Variants in ADAMTS2 observed in about 807,000 individuals in gnomAD.
ADAMTS2 encodes ADAM metallopeptidase with thrombospondin type 1 motif 2.
ADAMTS2 carries 50 observed loss-of-function variants against 123.0 expected under a neutral mutation model. That is an observed-to-expected ratio of 0.41 (90% confidence interval 0.32 to 0.51). ADAMTS2 has a LOEUF of 0.51. Ranked by LOEUF, ADAMTS2 falls within the 20% of genes least tolerant of loss-of-function variation. The probability of loss-of-function intolerance (pLI) is 0.35; values close to 1 mark genes in which losing one functional copy is unlikely to be tolerated. For missense variants in ADAMTS2, 1,494 were observed against 1,705.2 expected, an observed-to-expected ratio of 0.88 and a Z score of 2.18; for synonymous variants, 678 against 695.4, an observed-to-expected ratio of 0.98 and a Z score of 0.39.
At chr5:179,341,630 G>A (rs1277266329) in intron 2 of ADAMTS2, among the ~76,000 whole-genome samples, 5 of 151,494 alleles carry the variant, frequency 3.3e-5, no homozygotes, top group African/African-American at 9.7e-5. Flanking sequence ...GGAGAATGGC[G>A]TGAACCCGGA....
chr5:179,249,222 A>G (rs1765867058), intron 3 of ADAMTS2, among the ~76,000 whole-genome samples: 1 of 152,086 alleles, frequency 6.6e-6, no homozygotes, highest in Non-Finnish European at 1.5e-5. Context: ...TAAAAACACA[A>G]CATACCCAAA....
intron 3 of ADAMTS2, among the ~76,000 whole-genome samples, chr5:179,250,375 T>C (rs1765890482): frequency 6.6e-6 from 1 of 152,156 alleles, no homozygotes; most frequent in South Asian, 2.1e-4. Context: ...GTAACACTTC[T>C]TGAGGGAAAA....
chr5:179,206,339 G>A (rs1764693387), intron 4 of ADAMTS2, among the ~76,000 whole-genome samples: 1 of 152,102 alleles, frequency 6.6e-6, no homozygotes, highest in Non-Finnish European at 1.5e-5. Flanking sequence ...CCATGTGTCA[G>A]CTTGGCTCCT....
intron 18 of ADAMTS2, 100 bp downstream of exon 18, chr5:179,125,898 C>G: frequency 3.3e-6 from 5 of 1,524,326 alleles, no homozygotes; most frequent in Admixed American, 1.8e-5. Context: ...TCAAATGCCT[C>G]GGATGATGCC....
chr5:179,117,390 A>T lies in ADAMTS2; in HGVS notation c.3179-3066T>A, dbSNP rs1243361205. On this transcript the variant is annotated intron_variant, in intron 21 of 21. Coordinates refer to ENST00000251582, the MANE Select transcript of ADAMTS2 (RefSeq NM_014244.5). The surrounding 1 kb of genome is among the most constrained non-coding windows in gnomAD (Gnocchi z 4.2). ...AGGCTGGTGTTACACATTTATCCAC[A>T]TCTCCACTCCCTCACTGTCTCCCCC... Among the ~76,000 whole-genome samples, 1 of 152,090 alleles carries T rather than the reference A, an allele frequency of 6.6e-6. No homozygotes were observed. The highest frequency in any genetic ancestry group is 1.5e-5 in the Non-Finnish European group (1 of 68,020).
chr5:179,153,842 T>C (rs970091558), intron 8 of ADAMTS2, among the ~76,000 whole-genome samples: 3 of 152,128 alleles, frequency 2.0e-5, no homozygotes, highest in African/African-American at 7.2e-5. Flanking sequence ...CCGTGCCCAC[T>C]TGCCATTCAA....
At chr5:179,231,266 A>G (rs927325931) in intron 3 of ADAMTS2, among the ~76,000 whole-genome samples, 1 of 152,200 alleles carries the variant, frequency 6.6e-6, no homozygotes, top group African/African-American at 2.4e-5. Context: ...TTGCTGTTCA[A>G]TGGGTGTAAA....
intron 3 of ADAMTS2, among the ~76,000 whole-genome samples, chr5:179,253,924 T>C (rs1426058221): frequency 6.6e-6 from 1 of 152,178 alleles, no homozygotes. Flanking sequence ...GGAGCTGTGG[T>C]TCCTGCTGCT....
intron 2 of ADAMTS2, among the ~76,000 whole-genome samples, chr5:179,277,679 C>CCA (rs1424866198): frequency 4.1e-5 from 1 of 24,394 alleles, no homozygotes; most frequent in Non-Finnish European, 8.2e-5. Flanking sequence ...CTGACACCCC[C>CCA]GAGACCAAAG....
At chr5:179,154,762 TGG>T in intron 7 of ADAMTS2, 50 bp downstream of exon 7, 2 of 1,461,138 alleles carry the variant, frequency 1.4e-6, no homozygotes, top group South Asian at 2.4e-5. Context: ...CAGCCAGGGC[TGG>T]GGATCCTAGG....
chr5:179,210,625 T>C (rs901463422), intron 3 of ADAMTS2, among the ~76,000 whole-genome samples: 44 of 152,168 alleles, frequency 2.9e-4, no homozygotes, highest in Admixed American at 2.7e-3. Context: ...ACCTGGCAGG[T>C]GACAGCCACG....
chr5:179,273,311 C>A (rs1005329407), intron 2 of ADAMTS2, among the ~76,000 whole-genome samples: 20 of 152,244 alleles, frequency 1.3e-4, no homozygotes, highest in Admixed American at 8.5e-4. Context: ...TATACACCAA[C>A]CCTGTCTGCT....
intron 11 of ADAMTS2, 84 bp downstream of exon 11, chr5:179,139,806 C>T (rs1168041633): frequency 1.3e-6 from 2 of 1,592,460 alleles, no homozygotes; most frequent in Non-Finnish European, 1.7e-6. Flanking sequence ...CCACAGGGCC[C>T]TCCAGGACAG....
chr5:179,177,058 T>C (rs1763948559), intron 5 of ADAMTS2, among the ~76,000 whole-genome samples: 2 of 152,226 alleles, frequency 1.3e-5, no homozygotes, highest in South Asian at 4.1e-4. Context: ...GGTACAATTG[T>C]TTCCTTGTCT....
chr5:179,284,378 G>GATT (rs375683182), intron 2 of ADAMTS2, among the ~76,000 whole-genome samples: 1 of 151,824 alleles, frequency 6.6e-6, no homozygotes, highest in Non-Finnish European at 1.5e-5. Flanking sequence ...TAAATGGTCA[G>GATT]ATTATTATTA....
chr5:179,151,301 C>A, intron 10 of ADAMTS2: 1 of 158,314 alleles, frequency 6.3e-6, no homozygotes, highest in Admixed American at 6.5e-5. Context: ...AAACAAAAGT[C>A]TTCAAGGATG....
chr5:179,113,737 C>G lies in ADAMTS2; in HGVS notation c.*130G>C. The G allele has an allele frequency of 1.1e-6, 1 of 930,010 alleles. No individual in the cohort carries two copies. The highest frequency in any genetic ancestry group is 1.7e-6 in the Non-Finnish European group (1 of 585,202). The allele number at this position is 930,010 out of a possible 1,614,324, so 57.6% of individuals were successfully genotyped here. On this transcript the variant is annotated 3_prime_UTR_variant, in exon 22 of 22. Coordinates refer to ENST00000251582, the MANE Select transcript of ADAMTS2 (RefSeq NM_014244.5). The stretch of plus-strand genomic sequence containing the variant: ...TGCCTATCTTTCTTACGTCATTCCC[C>G]CTCTTTGTTTTCTCAAAACCTTTTG...
intron 13 of ADAMTS2, among the ~76,000 whole-genome samples, chr5:179,135,418 G>A (rs1436711727): frequency 1.3e-5 from 2 of 152,188 alleles, no homozygotes; most frequent in Non-Finnish European, 2.9e-5. Context: ...TTTCCTGACA[G>A]CCAAAGATTG....
At chr5:179,340,132 A>G (rs1430461937) in intron 2 of ADAMTS2, among the ~76,000 whole-genome samples, 3 of 152,220 alleles carry the variant, frequency 2.0e-5, no homozygotes, top group Non-Finnish European at 2.9e-5. Flanking sequence ...GTTCGCATCA[A>G]GCATCCAGGG....
Sources: gnomAD v4.1 joint callset for allele counts (sites outside exome capture counted in the v4.1 genomes callset) on GRCh38, gnomAD v4.1.1 for gene constraint, Gnocchi (gnomAD v3.1) non-coding constraint, MANE v1.5 for transcripts, NCBI Gene and HGNC (gene_info 2026-07-23, HGNC 2026-07-21) for gene names.